CPQ: variants seen among roughly 807,000 people sequenced by gnomAD.
The protein encoded by CPQ is carboxypeptidase Q.
A neutral mutation model predicts 45.7 loss-of-function variants in CPQ; 37 were observed. The observed-to-expected ratio is 0.81, with a 90% CI of 0.62 to 1.07. CPQ has a LOEUF of 1.07. Ranked by LOEUF, CPQ falls within the 50% of genes least tolerant of loss-of-function variation. CPQ has a pLI of 0.00. For synonymous variants in CPQ, 186 were observed against 205.8 expected, an observed-to-expected ratio of 0.90 and a Z score of 0.82; for missense variants, 537 against 572.9, an observed-to-expected ratio of 0.94 and a Z score of 0.64.
intron 3 of CPQ, among the ~76,000 whole-genome samples, chr8:96,875,852 G>T (rs1054848688): frequency 6.6e-6 from 1 of 151,676 alleles, no homozygotes; most frequent in African/African-American, 2.4e-5. Context: ...CTGGAATTTT[G>T]ATATGGATTG....
intron 1 of CPQ, among the ~76,000 whole-genome samples, chr8:96,647,480 A>C (rs1305033472): frequency 6.6e-6 from 1 of 152,204 alleles, no homozygotes; most frequent in Non-Finnish European, 1.5e-5. Context: ...TACTATGGTA[A>C]GTCCTATTTG....
At chr8:96,832,750 G>T (rs1411242716) in intron 2 of CPQ, among the ~76,000 whole-genome samples, 1 of 152,160 alleles carries the variant, frequency 6.6e-6, no homozygotes, top group Non-Finnish European at 1.5e-5. Flanking sequence ...TGTATAGGTA[G>T]GTGTCTATAC....
chr8:96,855,883 G>A (rs1166589060), intron 3 of CPQ, among the ~76,000 whole-genome samples: 1 of 152,198 alleles, frequency 6.6e-6, no homozygotes, highest in Non-Finnish European at 1.5e-5. Context: ...AGTCAGCTTG[G>A]ATTGAAGGAT....
chr8:96,893,458 G>A (rs1812403411), intron 4 of CPQ, among the ~76,000 whole-genome samples: 1 of 152,204 alleles, frequency 6.6e-6, no homozygotes, highest in Admixed American at 6.5e-5. Context: ...CACTAGTGCA[G>A]GGCCTGCAGC....
Position 96,879,846 on chromosome 8 carries a change from A to C in CPQ, c.690A>C (p.Pro230=). The C allele has an allele frequency of 1.9e-6, 3 of 1,614,098 alleles. No individual in the cohort carries two copies. Among genetic ancestry groups the C allele is most frequent in the Middle Eastern group, 3.3e-4 (2 of 6,062 alleles). ...QEYQDGVPKI[P]TACITVEDAE... ...ACCAGGATGGCGTGCCCAAGATTCC[A>C]ACAGCCTGTATTACGGTGGAAGATG... The change falls in exon 4 of 8, where the codon CCA becomes CCC. Residue 230 remains proline (P), a synonymous_variant. Coordinates refer to ENST00000220763, the MANE Select transcript of CPQ (RefSeq NM_016134.4).
At chr8:96,711,301 G>T (rs1809605650) in intron 1 of CPQ, among the ~76,000 whole-genome samples, 1 of 152,062 alleles carries the variant, frequency 6.6e-6, no homozygotes, top group African/African-American at 2.4e-5. Context: ...TATCTTTTAA[G>T]TGGAGCGTTT....
intron 2 of CPQ, among the ~76,000 whole-genome samples, chr8:96,786,865 G>A (rs970082144): frequency 8.6e-5 from 13 of 151,842 alleles, no homozygotes; most frequent in East Asian, 7.7e-4. Context: ...GTTTTTAATC[G>A]GACTATGAGA....
chr8:97,132,923 A>AGACT (rs1371810931), intron 7 of CPQ: 3 of 152,336 alleles, frequency 2.0e-5, no homozygotes, highest in African/African-American at 7.2e-5. Flanking sequence ...CAATAAACTG[A>AGACT]GACTGACATA....
At chr8:97,060,130 G>C (rs1324896643) in intron 6 of CPQ, among the ~76,000 whole-genome samples, 1 of 152,170 alleles carries the variant, frequency 6.6e-6, no homozygotes, top group African/African-American at 2.4e-5. Flanking sequence ...AGAGAAAGGA[G>C]CTATTATTGA....
At chr8:97,125,126 C>CA (rs1563587988) in intron 7 of CPQ, among the ~76,000 whole-genome samples, 1 of 151,946 alleles carries the variant, frequency 6.6e-6, no homozygotes, top group Non-Finnish European at 1.5e-5. Context: ...CAAACATATA[C>CA]AAAAAATTCA....
chr8:96,999,090 G>A (rs913562770), intron 5 of CPQ, among the ~76,000 whole-genome samples: 12 of 151,846 alleles, frequency 7.9e-5, no homozygotes, highest in Middle Eastern at 3.2e-3. Context: ...TTACAGATGA[G>A]GAACCTGAGG....
At chr8:96,813,455 A>G (rs1811184730) in intron 2 of CPQ, among the ~76,000 whole-genome samples, 1 of 152,160 alleles carries the variant, frequency 6.6e-6, no homozygotes, top group South Asian at 2.1e-4. Flanking sequence ...TAATGTGACA[A>G]TTCTTGACAC....
At chr8:96,687,177 TCTC>T (rs1563469119) in intron 1 of CPQ, among the ~76,000 whole-genome samples, 3 of 127,844 alleles carry the variant, frequency 2.3e-5, no homozygotes, top group African/African-American at 9.3e-5. Flanking sequence ...TTCTTTTCTT[TCTC>T]TTCTCTTCTC....
chr8:97,097,530 T>C (rs1027750090), intron 7 of CPQ, among the ~76,000 whole-genome samples: 2 of 152,210 alleles, frequency 1.3e-5, no homozygotes, highest in South Asian at 2.1e-4. Context: ...AAGGTCCCTA[T>C]AACCAACACA....
At chr8:97,081,981 T>C (rs1810958155) in intron 7 of CPQ, among the ~76,000 whole-genome samples, 1 of 152,180 alleles carries the variant, frequency 6.6e-6, no homozygotes, top group African/African-American at 2.4e-5. Flanking sequence ...GGCACAAAGT[T>C]AACACTTAAT....
chr8:96,737,081 A>G (rs1268381262), intron 1 of CPQ, among the ~76,000 whole-genome samples: 3 of 151,598 alleles, frequency 2.0e-5, no homozygotes, highest in African/African-American at 7.3e-5. Context: ...GTTTCCTTCT[A>G]GTCTATCTTT....
chr8:96,831,397 G>A (rs914976288), intron 2 of CPQ, among the ~76,000 whole-genome samples: 1 of 152,096 alleles, frequency 6.6e-6, no homozygotes, highest in African/African-American at 2.4e-5. Flanking sequence ...ATTATTAATA[G>A]GGACATTAGG....
chr8:96,922,818 T>G (rs1812826500), intron 4 of CPQ, among the ~76,000 whole-genome samples: 1 of 152,168 alleles, frequency 6.6e-6, no homozygotes, highest in Admixed American at 6.5e-5. Flanking sequence ...CATACACAGG[T>G]TATAATATAC....
At chr8:97,030,773 G>A (rs915105197) in intron 6 of CPQ, among the ~76,000 whole-genome samples, 3 of 152,314 alleles carry the variant, frequency 2.0e-5, no homozygotes, top group East Asian at 1.9e-4. Context: ...GGACACTGAC[G>A]ATTAACTTGA....
Sources: gnomAD v4.1 joint callset for allele counts (sites outside exome capture counted in the v4.1 genomes callset) on GRCh38, gnomAD v4.1.1 for gene constraint, MANE v1.5 for transcripts, NCBI Gene and HGNC (gene_info 2026-07-23, HGNC 2026-07-21) for gene names.